BCAT1: variants seen among roughly 807,000 people sequenced by gnomAD.
BCAT1 encodes the protein branched chain amino acid transaminase 1.
Under a neutral mutation model 52.4 loss-of-function variants are expected in BCAT1, and 48 were observed. The ratio of observed to expected loss-of-function variants is 0.92; its 90% CI spans 0.73 to 1.16. The LOEUF (loss-of-function observed/expected upper bound fraction) is 1.16, where lower values mean the gene tolerates loss of function less well. Among genes scored for constraint, BCAT1 ranks in the 50% most tolerant of loss-of-function variants. BCAT1 has a pLI of 0.00. For missense variants in BCAT1, 451 were observed against 457.1 expected, an observed-to-expected ratio of 0.99 and a Z score of 0.12; for synonymous variants, 167 against 161.3, an observed-to-expected ratio of 1.04 and a Z score of -0.27.
Position 24,874,185 on chromosome 12 carries a change from G to A in BCAT1, c.510+4345C>T, listed in dbSNP as rs7975240. 6.8e-3 allele frequency among the ~76,000 whole-genome samples: 1,028 copies of A among 152,188 alleles called. 7 individuals carry two copies. Among genetic ancestry groups the A allele is most frequent in the Non-Finnish European group, 0.011 (722 of 67,996 alleles). ...AAAAATTAGCTGGGCATGGTGGCAC[G>A]CACCTGTAGTCCCCGCTAATCAGGA... is the stretch of plus-strand genomic sequence containing the variant. On this transcript the variant is annotated intron_variant, in intron 5 of 10. Coordinates refer to ENST00000261192, the MANE Select transcript of BCAT1 (RefSeq NM_005504.7).
At chr12:24,908,459 G>A (rs953188764) in intron 1 of BCAT1, among the ~76,000 whole-genome samples, 1 of 152,166 alleles carries the variant, frequency 6.6e-6, no homozygotes, top group African/African-American at 2.4e-5. Flanking sequence ...TAGCTGGGCC[G>A]GGCATGGTGG....
At chr12:24,922,138 C>T (rs1328148598) in intron 1 of BCAT1, among the ~76,000 whole-genome samples, 1 of 152,170 alleles carries the variant, frequency 6.6e-6, no homozygotes, top group Non-Finnish European at 1.5e-5. Flanking sequence ...AAGACATGAG[C>T]ACACACGCAA....
chr12:24,854,270 GA>G (rs1941600797), intron 5 of BCAT1, among the ~76,000 whole-genome samples: 1 of 152,274 alleles, frequency 6.6e-6, no homozygotes. Context: ...CTAGAAGCCA[GA>G]GAGGCACAGC....
intron 1 of BCAT1, chr12:24,902,903 G>A (rs1432248485): frequency 2.0e-6 from 3 of 1,514,668 alleles, no homozygotes; most frequent in Non-Finnish European, 2.6e-6. Context: ...CGAGACCCGG[G>A]TTCCAATCCT....
At chr12:24,880,838 TTTTTTG>T (rs1942470440) in intron 4 of BCAT1, among the ~76,000 whole-genome samples, 2 of 7,286 alleles carry the variant, frequency 2.7e-4, no homozygotes, top group Non-Finnish European at 1.5e-3. Context: ...GGGTTTTTTG[TTTTTTG>T]TTTTTTTTTT....
In BCAT1 at chr12:24,836,585, C is replaced by A. The variant is rs779564434; in HGVS notation, c.829G>T (p.Ala277Ser). ...WINEDGEEEL[A>S]TPPLDGIILP... ...ATGATGCCATCTAGTGGAGGAGTTG[C>A]CAGTTCTTCTTCTGTCAATCAGAAA... Residue 277 changes from alanine to serine, a missense_variant, in exon 8 of 11, where the codon GCA becomes TCA. Ala to Ser is a moderately conservative substitution (Grantham distance 99). Transcript: ENST00000261192. 1.9e-6 allele frequency: 3 copies of A among 1,611,538 alleles called. No homozygotes were observed. Among genetic ancestry groups the A allele is most frequent in the Non-Finnish European group, 2.5e-6 (3 of 1,178,862 alleles).
At chr12:24,906,653 C>T (rs137880009) in intron 1 of BCAT1, among the ~76,000 whole-genome samples, 1 of 152,296 alleles carries the variant, frequency 6.6e-6, no homozygotes, top group African/African-American at 2.4e-5. Flanking sequence ...ACGGGCATGG[C>T]TCTGTTTCCA....
chr12:24,832,886 C>T (rs780801501), intron 8 of BCAT1, 23 bp from the exon 9 acceptor site: 1 of 1,587,446 alleles, frequency 6.3e-7, no homozygotes, highest in Non-Finnish European at 8.6e-7. Context: ...TAAAAAATAA[C>T]AAGTATATTT....
intron 2 of BCAT1, among the ~76,000 whole-genome samples, chr12:24,896,622 C>T (rs1942966321): frequency 6.6e-6 from 1 of 152,138 alleles, no homozygotes; most frequent in African/African-American, 2.4e-5. Flanking sequence ...CAAAAATTAA[C>T]TGAGTGTAGT....
At chr12:24,833,116 A>G (rs574156805) in intron 8 of BCAT1, among the ~76,000 whole-genome samples, 1 of 152,334 alleles carries the variant, frequency 6.6e-6, no homozygotes, top group African/African-American at 2.4e-5. Flanking sequence ...CACAAGACAC[A>G]TGGTATACTT....
chr12:24,933,109 CTTTTTTTTTTT>C (rs57512325), intron 1 of BCAT1, among the ~76,000 whole-genome samples: 1 of 68,528 alleles, frequency 1.5e-5, no homozygotes, highest in African/African-American at 6.3e-5. Flanking sequence ...CACGCCTGGC[CTTTTTTTTTTT>C]TTTTTTTTTT....
intron 5 of BCAT1, among the ~76,000 whole-genome samples, chr12:24,866,119 G>T (rs1450174176): frequency 6.6e-6 from 1 of 152,242 alleles, no homozygotes; most frequent in Non-Finnish European, 1.5e-5. Flanking sequence ...GGTGCTTGTG[G>T]GCCAGCTGGA....
chr12:24,902,958 G>A, intron 1 of BCAT1: 11 of 1,504,754 alleles, frequency 7.3e-6, no homozygotes, highest in Non-Finnish European at 8.8e-6. Context: ...TGGCGGGCAA[G>A]GGCCGCAGCG....
In BCAT1 at chr12:24,816,843, T is replaced by C. The variant is rs1325543653; in HGVS notation, c.*1165A>G. The C allele has an allele frequency of 1.5e-5, 5 of 335,492 alleles. No homozygotes were observed. Among genetic ancestry groups the C allele is most frequent in the African/African-American group, 1.1e-4 (5 of 47,490 alleles). The allele number at this position is 335,492 out of a possible 1,614,324, so 20.8% of individuals were successfully genotyped here. A position where few individuals can be genotyped will look rare whatever the true frequency, so the allele number is the denominator to read the frequency against. On this transcript the variant is annotated 3_prime_UTR_variant, in exon 11 of 11. Transcript: ENST00000261192. ...ATAAGGAGCGCATAGCCTAGATCCC[T>C]TGCATGCAGAGTTCACAATAGGATT...
chr12:24,902,847 G>A, intron 1 of BCAT1: 1 of 1,450,564 alleles, frequency 6.9e-7, no homozygotes, highest in South Asian at 1.2e-5. Context: ...GAAGGAGGAT[G>A]GTGCAGGAAA....
intron 3 of BCAT1, among the ~76,000 whole-genome samples, chr12:24,883,612 T>C (rs1942567673): frequency 6.6e-6 from 1 of 152,118 alleles, no homozygotes; most frequent in Non-Finnish European, 1.5e-5. Flanking sequence ...TAAATTAAAT[T>C]AAAATTAAAA....
chr12:24,826,652 G>GT (rs1158591612), intron 10 of BCAT1, among the ~76,000 whole-genome samples: 3 of 152,182 alleles, frequency 2.0e-5, no homozygotes, highest in Middle Eastern at 3.4e-3. Flanking sequence ...TTTTAGGATT[G>GT]TTTTTTCTAT....
chr12:24,875,752 T>C (rs1942317317), intron 5 of BCAT1, among the ~76,000 whole-genome samples: 1 of 152,194 alleles, frequency 6.6e-6, no homozygotes, highest in Non-Finnish European at 1.5e-5. Context: ...AGAATGATCA[T>C]GACTACAAGA....
chr12:24,947,167 C>CCACACACACA (rs57265449), intron 1 of BCAT1, among the ~76,000 whole-genome samples: 63 of 141,246 alleles, frequency 4.5e-4, no homozygotes, highest in East Asian at 3.8e-3. Flanking sequence ...CGTCTTCCCT[C>CCACACACACA]CACACACACA....
Sources: allele counts gnomAD v4.1 joint callset (sites outside exome capture counted in the v4.1 genomes callset), GRCh38; gene constraint gnomAD v4.1.1; transcripts MANE v1.5; gene names NCBI Gene and HGNC (gene_info 2026-07-23, HGNC 2026-07-21).